The following DDX55 variants were observed in gnomAD, a reference collection of about 807,000 sequenced individuals.
DDX55 encodes DEAD-box helicase 55.
DDX55 carries 56 observed loss-of-function variants against 69.2 expected under a neutral mutation model. That is an observed-to-expected ratio of 0.81 (90% CI 0.65 to 1.01). The LOEUF (loss-of-function observed/expected upper bound fraction) is 1.01. DDX55 is among the 50% of genes least tolerant of loss of function. The pLI, the probability that DDX55 is intolerant of heterozygous loss-of-function variation, is 0.00. For synonymous variants in DDX55, 268 were observed against 273.1 expected (o/e 0.98, Z 0.18); for missense variants, 720 against 745.1 (o/e 0.97, Z 0.39).
chr12:123,615,458 A>G lies in DDX55; in HGVS notation c.956+142A>G, dbSNP rs1373113621. 4 of 1,256,040 alleles carry G rather than the reference A, an allele frequency of 3.2e-6. No homozygotes were observed. The African/African-American group carries it at 6.0e-5, about 19-fold the overall frequency. The allele number at this position is 1,256,040 out of a possible 1,614,324, so 77.8% of individuals were successfully genotyped here. ...ACCCTCTTCCCTCTCTAATCTGGTT[A>G]TCACATCTCTGTAAACACCCCGAGC... is the stretch of plus-strand genomic sequence containing the variant. On this transcript the variant is annotated intron_variant, in intron 9 of 13. Coordinates refer to ENST00000238146, the MANE Select transcript of DDX55 (RefSeq NM_020936.3).
At chr12:123,609,645 T>C (rs1157399807) in intron 6 of DDX55, among the ~76,000 whole-genome samples, 2 of 152,116 alleles carry the variant, frequency 1.3e-5, no homozygotes, top group Non-Finnish European at 2.9e-5. Flanking sequence ...AGTGCTGGGA[T>C]TACAAGCATG....
intron 7 of DDX55, among the ~76,000 whole-genome samples, chr12:123,610,697 C>T (rs1390127511): frequency 1.1e-4 from 16 of 145,754 alleles, no homozygotes; most frequent in South Asian, 2.2e-4. Flanking sequence ...CTGCAAGCTC[C>T]GCCTCCTGGG....
rs754627470 is a variant in DDX55 at position 123,615,265 on chromosome 12, A to G, written c.905A>G (p.Lys302Arg). ...KGVKIMCIHG[K>R]MKYKRNKIFM... Reference sequence around the variant, plus strand: ...GTGAAGATTATGTGCATTCACGGAAAGATGAAATATAAACGCAATAAGATC... The same window carrying G: ...GTGAAGATTATGTGCATTCACGGAAGGATGAAATATAAACGCAATAAGATC... Residue 302 changes from lysine to arginine, a missense_variant, in exon 9 of 14, where the codon AAG becomes AGG. Transcript: ENST00000238146. 2.5e-6 allele frequency: 4 copies of G among 1,614,178 alleles called. No individual in the cohort carries two copies. Among genetic ancestry groups the G allele is most frequent in the South Asian group, 2.2e-5 (2 of 91,088 alleles).
At chr12:123,611,454 G>T (rs1357752001) in intron 7 of DDX55, among the ~76,000 whole-genome samples, 4 of 152,244 alleles carry the variant, frequency 2.6e-5, no homozygotes, top group African/African-American at 9.6e-5. Flanking sequence ...TGGCCCACCA[G>T]CCCGGGGCTG....
chr12:123,613,277 AG>A, intron 8 of DDX55, 25 bp downstream of exon 8: 1 of 1,611,338 alleles, frequency 6.2e-7, no homozygotes, highest in Non-Finnish European at 8.5e-7. Context: ...TCTGTGGTAG[AG>A]GCATCAGGGA....
chr12:123,617,141 C>T (rs1400057742), intron 10 of DDX55, among the ~76,000 whole-genome samples: 1 of 152,196 alleles, frequency 6.6e-6, no homozygotes, highest in South Asian at 2.1e-4. Flanking sequence ...GAGACTCTGT[C>T]TCAAAACAAA....
At chr12:123,609,218 C>T (rs1593690138) in intron 6 of DDX55, among the ~76,000 whole-genome samples, 2 of 152,224 alleles carry the variant, frequency 1.3e-5, no homozygotes, top group Admixed American at 6.5e-5. Context: ...ACCCAAAGTG[C>T]TAGGATTACA....
At position 123,620,629 on chromosome 12, in the gene DDX55, A is replaced by G. The variant is rs980432155; in HGVS notation, c.*489A>G. Reference sequence around the variant, plus strand: ...ATATATATATATATATATATATATAAGCTCTTTTTTCTGAGGCTATTTTAT... The same window carrying G: ...ATATATATATATATATATATATATAGGCTCTTTTTTCTGAGGCTATTTTAT... On this transcript the variant is annotated 3_prime_UTR_variant, in exon 14 of 14. Coordinates refer to ENST00000238146, the MANE Select transcript of DDX55 (RefSeq NM_020936.3). 750 of 60,794 alleles carry G rather than the reference A, an allele frequency of 0.012. 24 individuals are homozygous for G. The highest frequency in any genetic ancestry group is 0.059 in the Admixed American group (296 of 5,050). The allele number at this position is 60,794 out of a possible 1,614,324, so 3.8% of individuals were successfully genotyped here.
intron 10 of DDX55, 74 bp from the exon 11 acceptor site, chr12:123,617,684 G>A: frequency 1.5e-6 from 2 of 1,363,586 alleles, no homozygotes; most frequent in Non-Finnish European, 2.0e-6. Flanking sequence ...AGCTGCAGCA[G>A]CCATGTGGCT....
chr12:123,614,154 G>C (rs977045984), intron 8 of DDX55, among the ~76,000 whole-genome samples: 1 of 152,142 alleles, frequency 6.6e-6, no homozygotes. Flanking sequence ...TGCTAGGTGG[G>C]ATGTTTTCTA....
chr12:123,618,675 C>G lies in DDX55; in HGVS notation c.1171C>G (p.Leu391Val), dbSNP rs1954896808. ...NFLAINQKCP[L>V]QEMKPQRNTA... Reference sequence around the variant, plus strand: ...GGTATGTGTGTGTGTGTAGTGCCCCCTGCAGGAGATGAAGCCCCAGAGAAA... The same window carrying G: ...GGTATGTGTGTGTGTGTAGTGCCCCGTGCAGGAGATGAAGCCCCAGAGAAA... Residue 391 changes from leucine (L) to valine (V), a missense_variant, in exon 12 of 14, where the codon CTG (leucine) becomes GTG (valine). By Grantham distance (32) the Leu-to-Val change is conservative. Transcript: ENST00000238146. 9.3e-6 allele frequency: 15 copies of G among 1,613,726 alleles called. No homozygotes were observed. The highest frequency in any genetic ancestry group is 3.3e-5 in the Admixed American group (2 of 59,976).
chr12:123,605,686 A>G lies in DDX55; in HGVS notation c.109-245A>G, dbSNP rs964546692. The G allele has an allele frequency of 3.4e-5, 21 of 611,546 alleles. No homozygotes were observed. In the East Asian group the frequency reaches 6.5e-4, roughly 19 times the overall value. The allele number at this position is 611,546 out of a possible 1,614,324, so 37.9% of individuals were successfully genotyped here. A position where few individuals can be genotyped will look rare whatever the true frequency, so the allele number is the denominator to read the frequency against. On this transcript the variant is annotated intron_variant, in intron 1 of 13. Transcript: ENST00000238146. The stretch of plus-strand genomic sequence containing the variant: ...GCCTTCCTGGTTCAGAGAGGAAAGT[A>G]GGAGCGACAGGGCTAGAATTCAGGA...
chr12:123,607,709 G>A (rs577087138), intron 5 of DDX55, 47 bp downstream of exon 5: 2 of 1,613,598 alleles, frequency 1.2e-6, no homozygotes, highest in Admixed American at 3.3e-5. Flanking sequence ...TTTTGGCATT[G>A]AACCTAAGAA....
At chr12:123,614,469 GC>G (rs1954505894) in intron 8 of DDX55, among the ~76,000 whole-genome samples, 1 of 152,202 alleles carries the variant, frequency 6.6e-6, no homozygotes. Context: ...TCCCTCATCT[GC>G]AAAAGGATGG....
In DDX55 at chr12:123,616,494, T is replaced by G. The variant is rs56675602; in HGVS notation, c.957-17T>G. The G allele has an allele frequency of 0.27, 443,229 of 1,612,770 alleles. 64,441 individuals carry two copies. The highest frequency in any genetic ancestry group is 0.41 in the African/African-American group (31,046 of 74,882). On this transcript the variant is annotated splice_polypyrimidine_tract_variant and intron_variant, in intron 9 of 13. Coordinates refer to ENST00000238146, the MANE Select transcript of DDX55 (RefSeq NM_020936.3). ...TGGTGGCCTCCTTACTCAGAATGCT[T>G]TTTTCTCATTTCCTAGTGGGATTTT...
Position 123,608,512 on chromosome 12 carries a change from C to T in DDX55, c.402-168C>T, listed in dbSNP as rs916821521. ...CCAGAACCCAGATCCCGTCTCACCA[C>T]AGCCCTCAGTCTTTCTACCCTGCAG... On this transcript the variant is annotated intron_variant, in intron 5 of 13. Coordinates refer to ENST00000238146, the MANE Select transcript of DDX55 (RefSeq NM_020936.3). 6 of 772,156 alleles carry T rather than the reference C, an allele frequency of 7.8e-6. No homozygotes were observed. The African/African-American group carries it at 1.0e-4, about 13-fold the overall frequency. The allele number at this position is 772,156 out of a possible 1,614,324, so 47.8% of individuals were successfully genotyped here.
intron 1 of DDX55, among the ~76,000 whole-genome samples, chr12:123,604,653 A>G (rs1388355065): frequency 6.6e-6 from 1 of 152,028 alleles, no homozygotes; most frequent in Non-Finnish European, 1.5e-5. Flanking sequence ...ATCAAATAAC[A>G]CACTAGATTT....
chr12:123,606,958 G>A lies in DDX55; in HGVS notation c.247-474G>A, dbSNP rs866870606. On this transcript the variant is annotated intron_variant, in intron 3 of 13. Transcript: ENST00000238146. The stretch of plus-strand genomic sequence containing the variant: ...ATGTAGTGCAGTCTAGTGTTCCTGG[G>A]TGCAAGAAGGTTATGACGTGCAGAG... Among the ~76,000 whole-genome samples, 3 of 152,170 alleles carry A rather than the reference G, an allele frequency of 2.0e-5. No individual in the cohort carries two copies. In the South Asian group the frequency reaches 6.2e-4, roughly 31 times the overall value.
At chr12:123,604,520 G>A (rs759438026) in intron 1 of DDX55, among the ~76,000 whole-genome samples, 56 of 152,092 alleles carry the variant, frequency 3.7e-4, no homozygotes, top group Admixed American at 2.6e-3. Flanking sequence ...AATGTAGTGC[G>A]AGCAAGACCC....
Sources: gnomAD v4.1 joint callset for allele counts (sites outside exome capture counted in the v4.1 genomes callset) on GRCh38, gnomAD v4.1.1 for gene constraint, MANE v1.5 for transcripts, NCBI Gene and HGNC (gene_info 2026-07-23, HGNC 2026-07-21) for gene names.